MAP2K5: variants seen among roughly 807,000 people sequenced by gnomAD.
The protein encoded by MAP2K5 is mitogen-activated protein kinase kinase 5.
In MAP2K5, 49 loss-of-function variants were observed where a neutral mutation model predicts 83.1. That is an observed-to-expected ratio of 0.59 (90% CI 0.47 to 0.75). MAP2K5 has a LOEUF of 0.75. MAP2K5 is among the 30% of genes least tolerant of loss of function. The pLI, the probability that MAP2K5 is intolerant of heterozygous loss-of-function variation, is 0.00. For missense variants in MAP2K5, 457 were observed against 557.5 expected (o/e 0.82, Z 1.82); for synonymous variants, 202 against 191.8 (o/e 1.05, Z -0.44).
intron 17 of MAP2K5, among the ~76,000 whole-genome samples, chr15:67,733,937 G>C (rs534643091): frequency 6.6e-6 from 1 of 152,318 alleles, no homozygotes; most frequent in East Asian, 1.9e-4. Flanking sequence ...ATCAAAGTAT[G>C]AGAGGAGCTG....
rs1284582927 is a variant in MAP2K5 at position 67,786,971 on chromosome 15, C to T, written c.1242+14219C>T. ...GAGGGAACAAGGACAGTGAAGAACC[C>T]ACCCTAGCCAAAGCAAAAAAGACCC... On this transcript the variant is annotated intron_variant, in intron 21 of 21. Coordinates refer to ENST00000178640, the MANE Select transcript of MAP2K5 (RefSeq NM_145160.3). The surrounding 1 kb of genome is among the most constrained non-coding windows in gnomAD (Gnocchi z 4.7). Among the ~76,000 whole-genome samples, 1 of 152,142 alleles carries T rather than the reference C, an allele frequency of 6.6e-6. No homozygotes were observed. The highest frequency in any genetic ancestry group is 2.4e-5 in the African/African-American group (1 of 41,432).
intron 9 of MAP2K5, among the ~76,000 whole-genome samples, chr15:67,634,748 C>G (rs1203273685): frequency 6.6e-6 from 1 of 151,906 alleles, no homozygotes; most frequent in Non-Finnish European, 1.5e-5. Context: ...TTCATTTTGA[C>G]AAGTGTTAGC....
At chr15:67,740,961 G>A (rs931168430) in intron 17 of MAP2K5, among the ~76,000 whole-genome samples, 48 of 151,470 alleles carry the variant, frequency 3.2e-4, no homozygotes, top group African/African-American at 1.1e-3. Context: ...TGGGGAGGTG[G>A]AGGTTGCAGT....
chr15:67,804,316 C>T (rs1678848196), intron 21 of MAP2K5, among the ~76,000 whole-genome samples: 5 of 152,366 alleles, frequency 3.3e-5, no homozygotes, highest in Middle Eastern at 3.4e-3. Context: ...TTCTCCCTGT[C>T]AGGCAACCAC....
chr15:67,648,839 G>A (rs4776955), intron 11 of MAP2K5, among the ~76,000 whole-genome samples: 149,580 of 152,278 alleles, frequency 0.98, 73,531 homozygotes, highest in Middle Eastern at 1. Flanking sequence ...TTGGCCTCCC[G>A]AGGTGCTGGG....
chr15:67,635,967 T>C (rs1340418506), intron 9 of MAP2K5, among the ~76,000 whole-genome samples: 1 of 151,940 alleles, frequency 6.6e-6, no homozygotes, highest in Non-Finnish European at 1.5e-5. Flanking sequence ...TCTGCTTTCT[T>C]TTTTTTTGTT....
chr15:67,776,337 A>G (rs1339576627), intron 21 of MAP2K5, among the ~76,000 whole-genome samples: 2 of 152,072 alleles, frequency 1.3e-5, no homozygotes, highest in Non-Finnish European at 2.9e-5. Flanking sequence ...AGCTCTGTGA[A>G]CTGGGACCAA....
At position 67,573,410 on chromosome 15, in the gene MAP2K5, C is replaced by T. The variant is rs560801671; in HGVS notation, c.253-7344C>T. ...AGAGACAGTTGGGTAGAGGGTGGGG[C>T]GGGAGTTGCCACACACTTTTAAACC... On this transcript the variant is annotated intron_variant, in intron 3 of 21. Transcript: ENST00000178640. This position sits in a 1 kb window ranked among gnomAD's most constrained non-coding sequence, Gnocchi z 4.2. 3.6e-4 allele frequency among the ~76,000 whole-genome samples: 55 copies of T among 152,084 alleles called. No individual in the cohort carries two copies. The highest frequency in any genetic ancestry group is 1.1e-3 in the African/African-American group (47 of 41,514).
Position 67,543,143 on chromosome 15 carries a change from G to A in MAP2K5, c.-193G>A. The stretch of plus-strand genomic sequence containing the variant: ...CGGGAGACACCTCAGACCCCCGACA[G>A]CCTGGGCAGGCTCGGTGCCTGCGGG... On this transcript the variant is annotated 5_prime_UTR_variant, in exon 1 of 22. Coordinates refer to ENST00000178640, the MANE Select transcript of MAP2K5 (RefSeq NM_145160.3). This position sits in a 1 kb window ranked among gnomAD's most constrained non-coding sequence, Gnocchi z 4.3. The A allele has an allele frequency of 1.7e-6, 1 of 605,788 alleles. No homozygotes were observed. Among genetic ancestry groups the A allele is most frequent in the Non-Finnish European group, 2.9e-6 (1 of 341,744 alleles). The allele number at this position is 605,788 out of a possible 1,614,324, so 37.5% of individuals were successfully genotyped here.
intron 17 of MAP2K5, among the ~76,000 whole-genome samples, chr15:67,735,783 A>T (rs764736025): frequency 7.9e-5 from 12 of 152,266 alleles, no homozygotes; most frequent in Admixed American, 2.0e-4. Flanking sequence ...AATAGAATAG[A>T]AGGTTAAAGT....
At chr15:67,654,533 A>G (rs1013584900) in intron 11 of MAP2K5, among the ~76,000 whole-genome samples, 1 of 152,158 alleles carries the variant, frequency 6.6e-6, no homozygotes, top group African/African-American at 2.4e-5. Context: ...ATTAATTACT[A>G]ACAAGGTGAG....
At chr15:67,614,076 C>T (rs916016102) in intron 8 of MAP2K5, among the ~76,000 whole-genome samples, 2 of 152,106 alleles carry the variant, frequency 1.3e-5, no homozygotes, top group African/African-American at 4.8e-5. Context: ...CTAGAAGCAA[C>T]CAGTTTATTT....
chr15:67,727,488 A>G (rs1228143320), intron 16 of MAP2K5, among the ~76,000 whole-genome samples: 2 of 152,154 alleles, frequency 1.3e-5, no homozygotes, highest in Admixed American at 6.6e-5. Context: ...TCCATTCCCC[A>G]CTTCCTACTA....
In MAP2K5 at chr15:67,564,662, G is replaced by T. The variant is rs116914237; in HGVS notation, c.252+1312G>T. 1.4e-4 allele frequency among the ~76,000 whole-genome samples: 22 copies of T among 152,266 alleles called. No individual in the cohort carries two copies. The East Asian group carries it at 2.7e-3, about 19-fold the overall frequency. On this transcript the variant is annotated intron_variant, in intron 3 of 21. Coordinates refer to ENST00000178640, the MANE Select transcript of MAP2K5 (RefSeq NM_145160.3). ...TTGTGTACTGAGAATTTAGAGCTGG[G>T]CTCATCAGTACCTTGAAAGGCAGAG...
chr15:67,794,693 A>C lies in MAP2K5; in HGVS notation c.1243-11953A>C, dbSNP rs1187889773. Among the ~76,000 whole-genome samples the C allele has an allele frequency of 1.3e-5, 2 of 151,346 alleles. No individual in the cohort carries two copies. The highest frequency in any genetic ancestry group is 2.9e-5 in the Non-Finnish European group (2 of 67,930). On this transcript the variant is annotated intron_variant, in intron 21 of 21. Transcript: ENST00000178640. This position sits in a 1 kb window ranked among gnomAD's most constrained non-coding sequence, Gnocchi z 4.6. ...CATTTAGCGTTATTTACATTTACCC[A>C]AAGTTTTGATGTTTTGATGTCCAGT...
In MAP2K5 at chr15:67,790,321, A is replaced by T. The variant is rs2090493856; in HGVS notation, c.1243-16325A>T. Among the ~76,000 whole-genome samples the T allele has an allele frequency of 6.6e-6, 1 of 152,216 alleles. No homozygotes were observed. Among genetic ancestry groups the T allele is most frequent in the African/African-American group, 2.4e-5 (1 of 41,466 alleles). On this transcript the variant is annotated intron_variant, in intron 21 of 21. Coordinates refer to ENST00000178640, the MANE Select transcript of MAP2K5 (RefSeq NM_145160.3). The surrounding 1 kb of genome is among the most constrained non-coding windows in gnomAD (Gnocchi z 4.6). Reference sequence around the variant, plus strand: ...CATTAATGATAGGTTAATGTACAGTATAATGTTTTTGGGACTACGGGTTCA... The same window carrying T: ...CATTAATGATAGGTTAATGTACAGTTTAATGTTTTTGGGACTACGGGTTCA...
intron 13 of MAP2K5, among the ~76,000 whole-genome samples, chr15:67,678,399 C>G (rs2087732550): frequency 6.6e-6 from 1 of 152,102 alleles, no homozygotes; most frequent in Admixed American, 6.5e-5. Flanking sequence ...CCATTGTCAT[C>G]CCACAACAGC....
chr15:67,610,590 G>A (rs567416122), intron 8 of MAP2K5, among the ~76,000 whole-genome samples: 5 of 152,150 alleles, frequency 3.3e-5, no homozygotes, highest in African/African-American at 1.2e-4. Context: ...CATTTACCGC[G>A]TATAACTTTC....
chr15:67,798,843 C>T (rs922555301), intron 21 of MAP2K5, among the ~76,000 whole-genome samples: 1 of 152,118 alleles, frequency 6.6e-6, no homozygotes, highest in Non-Finnish European at 1.5e-5. Flanking sequence ...GGCAAGGAAC[C>T]CCCACCCCCA....
Sources: allele counts gnomAD v4.1 joint callset (sites outside exome capture counted in the v4.1 genomes callset), GRCh38; gene constraint gnomAD v4.1.1; non-coding constraint Gnocchi (gnomAD v3.1); transcripts MANE v1.5; gene names NCBI Gene and HGNC (gene_info 2026-07-23, HGNC 2026-07-21).